Variants in DPH6 observed in about 807,000 individuals in gnomAD.
DPH6 encodes diphthine--ammonia ligase.
Under a neutral mutation model 38.2 loss-of-function variants are expected in DPH6, and 33 were observed. That is an observed-to-expected ratio of 0.86 (90% CI 0.65 to 1.15). The LOEUF (loss-of-function observed/expected upper bound fraction) is 1.15. DPH6 is among the 50% of genes most tolerant of loss of function. DPH6 has a pLI of 0.00. For synonymous variants in DPH6, 108 were observed against 103.0 expected (o/e 1.05, Z -0.30); for missense variants, 325 against 320.0 (o/e 1.02, Z -0.12).
chr15:35,448,984 A>ATTT (rs372406775), intron 5 of DPH6, among the ~76,000 whole-genome samples: 31,620 of 136,430 alleles, frequency 0.23, 4,068 homozygotes, highest in Middle Eastern at 0.28. Flanking sequence ...TTATTGTCTC[A>ATTT]TTTTTTTTTT....
intron 3 of DPH6, among the ~76,000 whole-genome samples, chr15:35,458,349 A>C (rs961655750): frequency 6.6e-6 from 1 of 152,160 alleles, no homozygotes; most frequent in South Asian, 2.1e-4. Flanking sequence ...AACCCTTGAC[A>C]CGCAACTCTA....
At chr15:35,356,379 T>A (rs1041679881) in intron 3 of DPH6, among the ~76,000 whole-genome samples, 1 of 152,202 alleles carries the variant, frequency 6.6e-6, no homozygotes, top group African/African-American at 2.4e-5. Flanking sequence ...GAGTTTCCAG[T>A]TTTTCTCCTC....
Position 35,546,130 on chromosome 15 carries a change from C to G in DPH6, c.12G>C (p.Ala4=). 1.4e-6 allele frequency: 2 copies of G among 1,405,440 alleles called. No homozygotes were observed. The highest frequency in any genetic ancestry group is 3.2e-5 in the South Asian group (2 of 62,500). The allele number at this position is 1,405,440 out of a possible 1,614,324, so 87.1% of individuals were successfully genotyped here. A position where few individuals can be genotyped will look rare whatever the true frequency, so the allele number is the denominator to read the frequency against. Reference sequence around the variant, plus strand: ...CAGGACCGCATTACCTGATCAGAGCCGCGACCCTCATGCTGGGCGCAGTGC... The same window carrying G: ...CAGGACCGCATTACCTGATCAGAGCGGCGACCCTCATGCTGGGCGCAGTGC... MRV[A]ALISGGKDSC... The change falls in exon 1 of 9, where the codon GCG becomes GCC. Residue 4 remains alanine (A), a synonymous_variant. Transcript: ENST00000256538.
intron 3 of DPH6, among the ~76,000 whole-genome samples, chr15:35,484,938 A>T (rs2054376908): frequency 6.6e-6 from 1 of 152,256 alleles, no homozygotes; most frequent in Non-Finnish European, 1.5e-5. Flanking sequence ...AGCATTTCTT[A>T]CATTTAACAA....
the DPH6 span, among the ~76,000 whole-genome samples, chr15:35,168,423 C>G: frequency 1.3e-5 from 2 of 151,970 alleles, no homozygotes; most frequent in Non-Finnish European, 2.9e-5. Flanking sequence ...AGTACTATTT[C>G]AAGTCCTCTT....
intron 3 of DPH6, chr15:35,521,439 T>G: frequency 2.6e-6 from 3 of 1,155,812 alleles, no homozygotes; most frequent in Non-Finnish European, 3.2e-6. Flanking sequence ...TTCAGAAAAA[T>G]TAAACATAGG....
downstream of DPH6, among the ~76,000 whole-genome samples, chr15:35,326,437 A>G (rs1397761228): frequency 6.7e-6 from 1 of 150,284 alleles, no homozygotes; most frequent in East Asian, 1.9e-4. Flanking sequence ...AAATTTAAAA[A>G]GAATTTTTTT....
intron 1 of DPH6, among the ~76,000 whole-genome samples, chr15:35,545,353 A>C (rs1376399794): frequency 6.6e-6 from 1 of 152,264 alleles, no homozygotes; most frequent in Non-Finnish European, 1.5e-5. Flanking sequence ...TTATTTAGAC[A>C]CTTAAATTTA....
chr15:35,433,069 CA>C (rs2053652236), intron 5 of DPH6, among the ~76,000 whole-genome samples: 1 of 151,714 alleles, frequency 6.6e-6, no homozygotes, highest in African/African-American at 2.4e-5. Flanking sequence ...TGGTAAATGC[CA>C]AAACCCAGTC....
intron 3 of DPH6, among the ~76,000 whole-genome samples, chr15:35,264,993 A>G (rs1566854430): frequency 6.6e-6 from 1 of 152,172 alleles, no homozygotes; most frequent in African/African-American, 2.4e-5. Flanking sequence ...CTGAAAGTAC[A>G]TTACACTCCG....
chr15:35,280,659 G>A (rs371265254), intron 3 of DPH6, among the ~76,000 whole-genome samples: 3 of 152,094 alleles, frequency 2.0e-5, no homozygotes, highest in Non-Finnish European at 2.9e-5. Context: ...CATATTAAAG[G>A]TGCAAATTTC....
At chr15:35,327,690 C>T (rs777314114), downstream of DPH6, among the ~76,000 whole-genome samples, 5 of 152,174 alleles carry the variant, frequency 3.3e-5, no homozygotes, top group Non-Finnish European at 7.3e-5. Flanking sequence ...GTGTTCCAGT[C>T]CCATCTTTGC....
At chr15:35,294,995 G>A (rs2052005826) in intron 3 of DPH6, among the ~76,000 whole-genome samples, 1 of 152,172 alleles carries the variant, frequency 6.6e-6, no homozygotes, top group African/African-American at 2.4e-5. Flanking sequence ...CCCTCCTAGT[G>A]CCATGTCAGC....
intron 3 of DPH6, among the ~76,000 whole-genome samples, chr15:35,300,603 C>T (rs754075336): frequency 2.6e-4 from 40 of 152,066 alleles, no homozygotes; most frequent in Non-Finnish European, 3.8e-4. Flanking sequence ...TGTTTCCTGA[C>T]GTGGGAAAAG....
At chr15:35,518,370 T>C (rs1270046152) in intron 3 of DPH6, among the ~76,000 whole-genome samples, 1 of 152,038 alleles carries the variant, frequency 6.6e-6, no homozygotes, top group African/African-American at 2.4e-5. Context: ...ACAAAAGCTG[T>C]ATAGCTAGAA....
chr15:35,431,456 T>G (rs2053631712), intron 5 of DPH6, among the ~76,000 whole-genome samples: 1 of 152,078 alleles, frequency 6.6e-6, no homozygotes. Flanking sequence ...AATGTACAGA[T>G]TTTGACTTTG....
At chr15:35,538,218 G>A (rs2055200130) in intron 3 of DPH6, 56 bp downstream of exon 3, 2 of 1,328,684 alleles carry the variant, frequency 1.5e-6, no homozygotes, top group African/African-American at 3.0e-5. Flanking sequence ...TTCGGCAAAT[G>A]TAATTTGTTA....
chr15:35,482,413 AG>A (rs1396585075), intron 3 of DPH6, among the ~76,000 whole-genome samples: 1 of 152,168 alleles, frequency 6.6e-6, no homozygotes, highest in Non-Finnish European at 1.5e-5. Context: ...AAGAGAGTAA[AG>A]TGGGAAAACT....
At chr15:35,520,552 C>T (rs140140308) in intron 3 of DPH6, 2 of 984,552 alleles carry the variant, frequency 2.0e-6, no homozygotes, top group African/African-American at 3.5e-5. Flanking sequence ...TACATATATA[C>T]AATAAGACTA....
Sources: allele counts gnomAD v4.1 joint callset (sites outside exome capture counted in the v4.1 genomes callset), GRCh38; gene constraint gnomAD v4.1.1; transcripts MANE v1.5; gene names NCBI Gene and HGNC (gene_info 2026-07-23, HGNC 2026-07-21).